Variants in GNB1 observed in about 807,000 individuals in gnomAD.
GNB1 encodes G protein subunit beta 1, also known as guanine nucleotide-binding protein G(I)/G(S)/G(T) subunit beta-1.
In GNB1, 2 loss-of-function variants were observed where a neutral mutation model predicts 42.9. The observed-to-expected ratio is 0.05, with a 90% CI of 0.02 to 0.15. The LOEUF (loss-of-function observed/expected upper bound fraction) is 0.15, where lower values mean the gene tolerates loss of function less well. Ranked by LOEUF, GNB1 falls within the 10% of genes least tolerant of loss-of-function variation. The pLI, the probability that GNB1 is intolerant of heterozygous loss-of-function variation, is 1.00. For missense variants in GNB1, 193 were observed against 462.2 expected, an observed-to-expected ratio of 0.42 and a Z score of 5.34; for synonymous variants, 183 against 174.7, an observed-to-expected ratio of 1.05 and a Z score of -0.38.
At chr1:1,808,528 G>A (rs890149332) in intron 5 of GNB1, among the ~76,000 whole-genome samples, 2 of 152,208 alleles carry the variant, frequency 1.3e-5, no homozygotes, top group African/African-American at 4.8e-5. Context: ...TTTCAAGGAA[G>A]AGCAAGAAGG....
intron 1 of GNB1, among the ~76,000 whole-genome samples, chr1:1,885,549 ATC>A: frequency 7.1e-6 from 1 of 140,714 alleles, no homozygotes; most frequent in African/African-American, 2.5e-5. Context: ...CTTCCACTTA[ATC>A]TTTTTTTTTT....
intron 1 of GNB1, among the ~76,000 whole-genome samples, chr1:1,868,964 C>T (rs1022417478): frequency 1.3e-5 from 2 of 151,374 alleles, no homozygotes; most frequent in Non-Finnish European, 1.5e-5. Flanking sequence ...GTGGACGGAC[C>T]ACGAGGTCAG....
In GNB1 at chr1:1,825,201, T is replaced by A. The variant is rs191864460; in HGVS notation, c.57+196A>T. The A allele has an allele frequency of 2.0e-3, 1,157 of 578,774 alleles. 19 individuals carry two copies. In the Admixed American group the frequency reaches 0.029, roughly 14 times the overall value. 35.9% of individuals were successfully genotyped at this position (578,774 alleles called of 1,614,324 possible). On this transcript the variant is annotated intron_variant, in intron 3 of 11. Transcript: ENST00000378609. ...GTGTATATTCAAATAACAAATTGTA[T>A]ACAGAAAGCAAAATCCCAAAAACAA...
chr1:1,874,004 C>A (rs1054844878), intron 1 of GNB1, among the ~76,000 whole-genome samples: 5 of 152,202 alleles, frequency 3.3e-5, no homozygotes, highest in African/African-American at 1.2e-4. Context: ...GAAAGATTCC[C>A]TGCTTTGGAG....
intron 1 of GNB1, among the ~76,000 whole-genome samples, chr1:1,846,778 T>G (rs1438056942): frequency 6.6e-6 from 1 of 152,150 alleles, no homozygotes. Context: ...CAGGCTGGTC[T>G]TCAACTCCTG....
At chr1:1,877,990 G>A (rs902423902) in intron 1 of GNB1, among the ~76,000 whole-genome samples, 2 of 152,166 alleles carry the variant, frequency 1.3e-5, no homozygotes, top group African/African-American at 4.8e-5. Flanking sequence ...AGATGAATGA[G>A]GAGAAAGAGC....
At chr1:1,874,696 CAGG>C (rs1279275156) in intron 1 of GNB1, among the ~76,000 whole-genome samples, 1 of 147,544 alleles carries the variant, frequency 6.8e-6, no homozygotes, top group African/African-American at 2.5e-5. Context: ...GAGACTGAGA[CAGG>C]AGAATTGCTT....
chr1:1,806,724 A>G (rs754692322), intron 5 of GNB1, among the ~76,000 whole-genome samples, 186 bp from the exon 6 acceptor site: 12 of 152,244 alleles, frequency 7.9e-5, no homozygotes, highest in Non-Finnish European at 1.6e-4. Context: ...TTGTAATCCC[A>G]GCACTTTGGG....
chr1:1,796,427 A>G (rs1165565742), intron 7 of GNB1, among the ~76,000 whole-genome samples: 1 of 152,260 alleles, frequency 6.6e-6, no homozygotes, highest in Non-Finnish European at 1.5e-5. Context: ...CAGCTGAGGA[A>G]GAGTGAAAAT....
At chr1:1,827,154 G>A (rs748183597) in intron 2 of GNB1, among the ~76,000 whole-genome samples, 30 of 152,182 alleles carry the variant, frequency 2.0e-4, no homozygotes, top group Admixed American at 6.5e-5. Context: ...ACTATCCGAT[G>A]ACCTAAGAAG....
At chr1:1,890,106 C>G (rs1650395806) in intron 1 of GNB1, among the ~76,000 whole-genome samples, 1 of 152,134 alleles carries the variant, frequency 6.6e-6, no homozygotes, top group Non-Finnish European at 1.5e-5. Context: ...TCCGCGCAAC[C>G]CTCGAGTCGA....
At chr1:1,834,046 G>T (rs1478579372) in intron 2 of GNB1, among the ~76,000 whole-genome samples, 1 of 152,118 alleles carries the variant, frequency 6.6e-6, no homozygotes, top group Non-Finnish European at 1.5e-5. Flanking sequence ...AAAAAGGAGA[G>T]AAAGCAAACA....
chr1:1,816,653 T>A (rs1646861300), intron 4 of GNB1, among the ~76,000 whole-genome samples: 1 of 147,756 alleles, frequency 6.8e-6, no homozygotes, highest in South Asian at 2.1e-4. Context: ...TCTTTTTTTT[T>A]TTTTTTTTTT....
chr1:1,868,499 T>G (rs1292292368), intron 1 of GNB1, among the ~76,000 whole-genome samples: 1 of 152,154 alleles, frequency 6.6e-6, no homozygotes, highest in Non-Finnish European at 1.5e-5. Context: ...AGTGAAAAAG[T>G]TAGCCGGGCA....
At chr1:1,838,304 GAAT>G (rs1647178443) in intron 2 of GNB1, among the ~76,000 whole-genome samples, 2 of 152,132 alleles carry the variant, frequency 1.3e-5, no homozygotes, top group South Asian at 2.1e-4. Context: ...AGAGTTGCAA[GAAT>G]AATACAAAGA....
chr1:1,795,897 G>A (rs1030165039), intron 7 of GNB1, among the ~76,000 whole-genome samples: 7 of 152,138 alleles, frequency 4.6e-5, no homozygotes, highest in East Asian at 1.9e-4. Flanking sequence ...GCTCTCAAGC[G>A]CTGATAAAAT....
intron 1 of GNB1, among the ~76,000 whole-genome samples, chr1:1,868,626 CAAA>C (rs980885477): frequency 6.6e-6 from 1 of 151,200 alleles, no homozygotes; most frequent in East Asian, 2.0e-4. Flanking sequence ...ACTAAAAATA[CAAA>C]AAAATTAGCC....
intron 1 of GNB1, among the ~76,000 whole-genome samples, chr1:1,840,924 GCT>G (rs1198508917): frequency 5.9e-5 from 9 of 152,118 alleles, no homozygotes; most frequent in Admixed American, 5.9e-4. Context: ...CAGCAGTCTC[GCT>G]CTGTCACCAG....
At chr1:1,810,290 C>T (rs911149463) in intron 5 of GNB1, among the ~76,000 whole-genome samples, 1 of 151,822 alleles carries the variant, frequency 6.6e-6, no homozygotes, top group Non-Finnish European at 1.5e-5. Flanking sequence ...TGGTCTCGAT[C>T]TCCTGACCTC....
Sources: allele counts gnomAD v4.1 joint callset (sites outside exome capture counted in the v4.1 genomes callset), GRCh38; gene constraint gnomAD v4.1.1; transcripts MANE v1.5; gene names NCBI Gene and HGNC (gene_info 2026-07-23, HGNC 2026-07-21).